Variants in TUSC3 observed in about 807,000 individuals in gnomAD.
The protein encoded by TUSC3 is tumor suppressor candidate 3.
Under a neutral mutation model 44.8 loss-of-function variants are expected in TUSC3, and 45 were observed. The ratio of observed to expected loss-of-function variants is 1.00; its 90% CI spans 0.79 to 1.29. The LOEUF is 1.29. TUSC3 is among the 50% of genes most tolerant of loss of function. The pLI, the probability that TUSC3 is intolerant of heterozygous loss-of-function variation, is 0.00. For missense variants in TUSC3, 519 were observed against 437.9 expected, an observed-to-expected ratio of 1.19 and a Z score of -1.65; for synonymous variants, 212 against 152.9, an observed-to-expected ratio of 1.39 and a Z score of -2.85.
the TUSC3 span, among the ~76,000 whole-genome samples, chr8:15,835,373 G>A: frequency 2.8e-5 from 4 of 142,968 alleles, no homozygotes; most frequent in African/African-American, 1.1e-4. Context: ...CTGTTTTGCT[G>A]ATTTTTTTAA....
intron 1 of TUSC3, among the ~76,000 whole-genome samples, chr8:15,622,423 A>G (rs2129163939): frequency 6.6e-6 from 1 of 151,836 alleles, no homozygotes; most frequent in African/African-American, 2.4e-5. Context: ...GTGAGCCACC[A>G]TTCCCAGCCT....
intron 6 of TUSC3, among the ~76,000 whole-genome samples, chr8:15,696,645 A>T (rs976828447): frequency 6.6e-6 from 1 of 152,154 alleles, no homozygotes; most frequent in Non-Finnish European, 1.5e-5. Flanking sequence ...CCACTTGATC[A>T]TCTGTTCAGG....
chr8:15,632,185 A>G (rs2063042322), intron 2 of TUSC3, among the ~76,000 whole-genome samples: 2 of 152,124 alleles, frequency 1.3e-5, no homozygotes, highest in South Asian at 4.1e-4. Flanking sequence ...CATCTGTTAC[A>G]TTTGTTACAC....
At chr8:15,638,555 A>T (rs1310123381) in intron 2 of TUSC3, among the ~76,000 whole-genome samples, 11 of 112,858 alleles carry the variant, frequency 9.7e-5, no homozygotes, top group Admixed American at 5.6e-4. Context: ...CAAGAGTCTC[A>T]CTCTGTTGCC....
chr8:15,486,665 G>T (rs188876754), intron 2 of TUSC3, among the ~76,000 whole-genome samples: 3 of 152,008 alleles, frequency 2.0e-5, no homozygotes, highest in African/African-American at 7.2e-5. Context: ...GGCTGGTTTT[G>T]AGCTCCTGAC....
intron 2 of TUSC3, among the ~76,000 whole-genome samples, chr8:15,532,449 G>A (rs1046479894): frequency 2.6e-5 from 4 of 152,112 alleles, no homozygotes; most frequent in African/African-American, 9.7e-5. Context: ...ATAAGCCCTG[G>A]AAAGACCATA....
At chr8:15,637,656 C>CTT (rs200165865) in intron 2 of TUSC3, among the ~76,000 whole-genome samples, 1 of 150,988 alleles carries the variant, frequency 6.6e-6, no homozygotes, top group East Asian at 1.9e-4. Context: ...CTTCTTAAAA[C>CTT]TTTTTTTTTA....
At chr8:15,701,063 A>AC (rs1809382734) in intron 6 of TUSC3, among the ~76,000 whole-genome samples, 1 of 152,036 alleles carries the variant, frequency 6.6e-6, no homozygotes, top group African/African-American at 2.4e-5. Context: ...AGAGGGACAA[A>AC]CACAAGTACA....
chr8:15,621,761 G>T (rs1345730400), intron 1 of TUSC3, among the ~76,000 whole-genome samples: 1 of 146,818 alleles, frequency 6.8e-6, no homozygotes, highest in Non-Finnish European at 1.5e-5. Flanking sequence ...CCCTTTGGTT[G>T]TGGCAAAATT....
At chr8:15,739,669 T>A (rs888652829) in intron 7 of TUSC3, among the ~76,000 whole-genome samples, 9 of 152,162 alleles carry the variant, frequency 5.9e-5, no homozygotes, top group African/African-American at 2.2e-4. Context: ...CTGGAATATG[T>A]TTATGGAGTA....
chr8:15,442,178 T>C (rs1005985965), intron 1 of TUSC3, among the ~76,000 whole-genome samples: 3 of 152,090 alleles, frequency 2.0e-5, no homozygotes, highest in Non-Finnish European at 2.9e-5. Context: ...TTGTCAAATA[T>C]AGTATATATA....
chr8:15,466,815 C>T (rs1386603447), intron 1 of TUSC3, among the ~76,000 whole-genome samples: 1 of 152,080 alleles, frequency 6.6e-6, no homozygotes, highest in Non-Finnish European at 1.5e-5. Flanking sequence ...ATGTACATCT[C>T]CATGTTGTGA....
intron 2 of TUSC3, among the ~76,000 whole-genome samples, chr8:15,641,083 G>T (rs575507309): frequency 6.6e-6 from 1 of 152,038 alleles, no homozygotes; most frequent in African/African-American, 2.4e-5. Flanking sequence ...GGTTGAGGCC[G>T]GGCGCGGTGG....
At chr8:15,614,282 C>T (rs940064741) in intron 1 of TUSC3, among the ~76,000 whole-genome samples, 1 of 151,964 alleles carries the variant, frequency 6.6e-6, no homozygotes, top group African/African-American at 2.4e-5. Flanking sequence ...CACTTATGCC[C>T]ACTAGCCTTT....
At chr8:15,708,024 T>C (rs1217798124) in intron 6 of TUSC3, among the ~76,000 whole-genome samples, 1 of 151,918 alleles carries the variant, frequency 6.6e-6, no homozygotes, top group Non-Finnish European at 1.5e-5. Context: ...TGTATCCTTT[T>C]CTGTCTCTTA....
intron 2 of TUSC3, among the ~76,000 whole-genome samples, chr8:15,494,131 G>A (rs1800847019): frequency 6.6e-6 from 1 of 152,152 alleles, no homozygotes; most frequent in African/African-American, 2.4e-5. Context: ...TGTCCTCACA[G>A]TCTTTATTTG....
chr8:15,688,430 C>CTTTTTTTTTTTT (rs11383982), intron 6 of TUSC3, among the ~76,000 whole-genome samples: 1 of 141,304 alleles, frequency 7.1e-6, no homozygotes. Flanking sequence ...CTTCAGTATT[C>CTTTTTTTTTTTT]TTTTTTTTTT....
chr8:15,784,006 AAAAT>A, the TUSC3 span, among the ~76,000 whole-genome samples: 17 of 152,222 alleles, frequency 1.1e-4, no homozygotes, highest in Non-Finnish European at 2.4e-4. Flanking sequence ...CAATAATAAG[AAAAT>A]AAATAACACT....
chr8:15,746,134 G>T (rs1373250121), intron 8 of TUSC3, among the ~76,000 whole-genome samples: 1 of 151,978 alleles, frequency 6.6e-6, no homozygotes, highest in Non-Finnish European at 1.5e-5. Flanking sequence ...AGGAGATACT[G>T]TTAATTATGT....
Sources: allele counts gnomAD v4.1 joint callset (sites outside exome capture counted in the v4.1 genomes callset), GRCh38; gene constraint gnomAD v4.1.1; transcripts MANE v1.5; gene names NCBI Gene and HGNC (gene_info 2026-07-23, HGNC 2026-07-21).